SYNM: variants seen among roughly 807,000 people sequenced by gnomAD.
SYNM encodes synemin, also known as desmuslin.
In SYNM, 95 loss-of-function variants were observed where a neutral mutation model predicts 104.0. That is an observed-to-expected ratio of 0.91 (90% CI 0.77 to 1.08). The LOEUF is 1.08. Among genes scored for constraint, SYNM ranks in the 50% least tolerant of loss-of-function variants. The pLI is 0.00. For synonymous variants in SYNM, 918 were observed against 869.0 expected, an observed-to-expected ratio of 1.06 and a Z score of -0.99; for missense variants, 2,150 against 2,052.2, an observed-to-expected ratio of 1.05 and a Z score of -0.92.
intron 3 of SYNM, among the ~76,000 whole-genome samples, chr15:99,127,282 G>T (rs571607915): frequency 1.2e-4 from 18 of 152,294 alleles, no homozygotes; most frequent in Admixed American, 6.5e-4. Context: ...GAGCAGCTCA[G>T]GAAAATGTGT....
At position 99,130,737 on chromosome 15, in the gene SYNM, A is replaced by G. The variant is rs1555485659; in HGVS notation, c.2377A>G (p.Ser793Gly). Residue 793 changes from serine (S) to glycine (G), a missense_variant, in exon 4 of 4, where the codon AGC becomes GGC. Ser to Gly is a moderately conservative substitution (Grantham distance 56, BLOSUM62 0). Coordinates refer to ENST00000336292, the MANE Select transcript of SYNM (RefSeq NM_145728.3). ...TAAGGAGGAGGAAGGTTATGGAGAA[A>G]GCGATGTCACATTCTCAGTTAATCA... ...LVKEEEGYGE[S>G]DVTFSVNQHR... The G allele has an allele frequency of 6.8e-6, 11 of 1,613,882 alleles. No homozygotes were observed. The highest frequency in any genetic ancestry group is 8.5e-6 in the Non-Finnish European group (10 of 1,179,870).
chr15:99,106,047 C>G (rs1471157826), intron 1 of SYNM, 38 bp downstream of exon 1: 10 of 1,403,440 alleles, frequency 7.1e-6, no homozygotes, highest in Non-Finnish European at 9.2e-6. Flanking sequence ...CCCATACCCG[C>G]TGCCGTCGCC....
Position 99,131,732 on chromosome 15 carries a change from A to G in SYNM, c.3372A>G (p.Ala1124=). 2 of 1,613,914 alleles carry G rather than the reference A, an allele frequency of 1.2e-6. No individual in the cohort carries two copies. Among genetic ancestry groups the G allele is most frequent in the Non-Finnish European group, 8.5e-7 (1 of 1,179,900 alleles). ...TGCTGGAGGATGTGAGCCAGGCTGC[A>G]AGGCACATAAAACTCGGCCCCTCTG... ...SQVLEDVSQA[A]RHIKLGPSEV... The change falls in exon 4 of 4, where the codon GCA becomes GCG. Residue 1124 remains alanine (A), a synonymous_variant. Coordinates refer to ENST00000336292, the MANE Select transcript of SYNM (RefSeq NM_145728.3). This position sits in a 1 kb window ranked among gnomAD's most constrained non-coding sequence, Gnocchi z 4.3.
At chr15:99,113,464 C>G in intron 1 of SYNM, 127 bp from the exon 2 acceptor site, 1 of 1,193,952 alleles carries the variant, frequency 8.4e-7, no homozygotes, top group East Asian at 2.6e-5. Flanking sequence ...TTAATAACGC[C>G]GGGTGTTTTT....
rs1285189273 is a variant in SYNM at position 99,113,658 on chromosome 15, A to G, written c.878A>G (p.Asp293Gly). ...TTGGCCATGGCTGACTGGCTGCGGG[A>G]CTATCAGGACCTCCTGCAGGTGAAG... ...LTLAMADWLR[D>G]YQDLLQVKTG... Residue 293 changes from aspartate (D) to glycine (G), a missense_variant, in exon 2 of 4, where the codon GAC becomes GGC. Transcript: ENST00000336292. 5.0e-6 allele frequency: 8 copies of G among 1,613,408 alleles called. No individual in the cohort carries two copies. The African/African-American group carries it at 6.7e-5, about 13-fold the overall frequency.
rs1439978756 is a variant in SYNM, at chr15:99,126,640, C to T, written c.936-82C>T. The stretch of plus-strand genomic sequence containing the variant: ...AACAGGTGACACTATGGTCATTGGC[C>T]GCATACCACGATACGTTTTATTAGA... On this transcript the variant is annotated intron_variant, in intron 2 of 3. Transcript: ENST00000336292. The T allele has an allele frequency of 4.2e-5, 55 of 1,319,228 alleles. No individual in the cohort carries two copies. The African/African-American group carries it at 4.8e-4, about 12-fold the overall frequency. The allele number at this position is 1,319,228 out of a possible 1,614,324, so 81.7% of individuals were successfully genotyped here. A position where few individuals can be genotyped will look rare whatever the true frequency, so the allele number is the denominator to read the frequency against.
At chr15:99,120,795 A>C (rs1157721572) in intron 2 of SYNM, among the ~76,000 whole-genome samples, 1 of 152,142 alleles carries the variant, frequency 6.6e-6, no homozygotes, top group Non-Finnish European at 1.5e-5. Flanking sequence ...GAAGGTCTTG[A>C]AAGACGGGGA....
In SYNM at chr15:99,130,153, C is replaced by T. The variant is rs373435565; in HGVS notation, c.1793C>T (p.Thr598Met). ...RAEVSPKGLQTPVKDAGGGTG... is the reference protein window; with the variant it reads ...RAEVSPKGLQMPVKDAGGGTG... ...GAGGTGTCCCCGAAAGGTTTGCAGA[C>T]GCCTGTGAAGGATGCTGGTGGTGGG... Residue 598 changes from threonine (T) to methionine (M), a missense_variant, in exon 4 of 4, where the codon ACG (threonine) becomes ATG (methionine). Transcript: ENST00000336292. 3.4e-5 allele frequency: 55 copies of T among 1,613,880 alleles called. No homozygotes were observed. The East Asian group carries it at 4.2e-4, about 12-fold the overall frequency.
chr15:99,112,057 C>T (rs984353063), intron 1 of SYNM, among the ~76,000 whole-genome samples: 26 of 152,164 alleles, frequency 1.7e-4, no homozygotes, highest in Non-Finnish European at 2.8e-4. Context: ...CAAAAACAAA[C>T]AAAACAACCA....
rs547514507 is a variant in SYNM, at chr15:99,105,457, C to G, written c.258C>G (p.Asp86Glu). ...WATALAEGERDALRRELRELQ... is the reference protein window; with the variant it reads ...WATALAEGEREALRRELRELQ... ...CTGCGCTGGCGGAGGGCGAGCGGGA[C>G]GCTCTGCGGCGCGAGCTGCGGGAGC... is the stretch of plus-strand genomic sequence containing the variant. The change falls in exon 1 of 4, where the codon GAC becomes GAG. Residue 86 changes from aspartate to glutamate, a missense_variant. Coordinates refer to ENST00000336292, the MANE Select transcript of SYNM (RefSeq NM_145728.3). 46 of 1,403,056 alleles carry G rather than the reference C, an allele frequency of 3.3e-5. No homozygotes were observed. The highest frequency in any genetic ancestry group is 5.1e-4 in the Middle Eastern group (2 of 3,958). 86.9% of individuals were successfully genotyped at this position (1,403,056 alleles called of 1,614,324 possible). A position where few individuals can be genotyped will look rare whatever the true frequency, so the allele number is the denominator to read the frequency against.
At chr15:99,110,195 ACTTTC>A (rs1596118501) in intron 1 of SYNM, among the ~76,000 whole-genome samples, 1 of 152,108 alleles carries the variant, frequency 6.6e-6, no homozygotes, top group East Asian at 1.9e-4. Context: ...GGAAGAAGGG[ACTTTC>A]CTTGTTTTAC....
chr15:99,139,653 AAGT>A (rs782701521), downstream of SYNM: 20 of 1,455,990 alleles, frequency 1.4e-5, no homozygotes, highest in South Asian at 2.0e-4. Flanking sequence ...ATAGATTTAA[AAGT>A]AGTATTTTTA....
downstream of SYNM, chr15:99,139,367 C>T (rs200435817): frequency 8.1e-5 from 130 of 1,613,992 alleles, no homozygotes; most frequent in Middle Eastern, 3.3e-4. Flanking sequence ...TTTTGTCCTG[C>T]GGTCCATATA....
Position 99,130,260 on chromosome 15 carries a change from A to G in SYNM, c.1900A>G (p.Met634Val), listed in dbSNP as rs375763391. The G allele has an allele frequency of 1.2e-6, 2 of 1,613,996 alleles. No individual in the cohort carries two copies. Among genetic ancestry groups the G allele is most frequent in the Non-Finnish European group, 1.7e-6 (2 of 1,179,888 alleles). ...CACTGGTTCTCTGCAAGGCGATTCC[A>G]TGACAGAAACCGTAGCAGAAAACAT... ...DATGSLQGDSMTETVAENIVT... is the reference protein window; with the variant it reads ...DATGSLQGDSVTETVAENIVT... Residue 634 changes from methionine (M) to valine (V), a missense_variant, in exon 4 of 4, where the codon ATG (methionine) becomes GTG (valine). Physicochemically the swap from Met to Val is conservative, Grantham distance 21 (BLOSUM62 1). Transcript: ENST00000336292.
In SYNM at chr15:99,132,150, CA is replaced by C. The variant is rs782233529; in HGVS notation, c.3792del (p.Gln1264HisfsTer4). On this transcript the variant is annotated frameshift_variant, in exon 4 of 4. Transcript: ENST00000336292. LOFTEE classifies it high-confidence loss of function. ...AGTGGGTACCCAGACTTCTGTCAGG[CA>C]ACTCCAGTTAGGCCCTAAAGAAGGG... Reference protein sequence around the residue: ...ESVGTQTSVRQLQLGPKEGFS... With the variant: ...ESVGTQTSVRXLQLGPKEGFS... 8 of 1,614,040 alleles carry C rather than the reference CA, an allele frequency of 5.0e-6. No homozygotes were observed. The highest frequency in any genetic ancestry group is 6.8e-6 in the Non-Finnish European group (8 of 1,179,902).
Position 99,130,387 on chromosome 15 carries a change from T to C in SYNM, c.2027T>C (p.Leu676Pro), listed in dbSNP as rs781848163. The C allele has an allele frequency of 1.9e-6, 3 of 1,613,616 alleles. No homozygotes were observed. In the African/African-American group the frequency reaches 4.0e-5, roughly 22 times the overall value. ...GTCACTTACGTGGACAGGAAAGAGC[T>C]TCCTGGGGAAAGGAAAACAAAGACT... is the stretch of plus-strand genomic sequence containing the variant. ...TKVTYVDRKE[L>P]PGERKTKTEI... The change falls in exon 4 of 4, where the codon CTT (leucine) becomes CCT (proline). Residue 676 changes from leucine to proline, a missense_variant. Coordinates refer to ENST00000336292, the MANE Select transcript of SYNM (RefSeq NM_145728.3).
intron 2 of SYNM, among the ~76,000 whole-genome samples, chr15:99,117,298 G>C (rs1670239): frequency 6.6e-6 from 1 of 152,152 alleles, no homozygotes; most frequent in African/African-American, 2.4e-5. Flanking sequence ...TCTCGTGCCC[G>C]TGGTCATCCT....
At chr15:99,107,927 G>T (rs950554374) in intron 1 of SYNM, among the ~76,000 whole-genome samples, 14 of 145,332 alleles carry the variant, frequency 9.6e-5, no homozygotes, top group South Asian at 6.6e-4. Flanking sequence ...TAAGGACCTG[G>T]TTTTTTTTTT....
Position 99,129,396 on chromosome 15 carries a change from G to T in SYNM, c.1036G>T (p.Asp346Tyr). Residue 346 changes from aspartate (D) to tyrosine (Y), a missense_variant, in exon 4 of 4, where the codon GAC becomes TAC. By Grantham distance (160) the Asp-to-Tyr change is radical. Coordinates refer to ENST00000336292, the MANE Select transcript of SYNM (RefSeq NM_145728.3). ...EFRNKSYHYT[D>Y]SLLQRENERN... ...CAGAAACAAATCCTATCACTATACCGACTCACTACTACAGAGGGAAAATGA... is the reference window on the plus strand; with the variant it reads ...CAGAAACAAATCCTATCACTATACCTACTCACTACTACAGAGGGAAAATGA... 1.2e-6 allele frequency: 2 copies of T among 1,613,832 alleles called. No individual in the cohort carries two copies. The highest frequency in any genetic ancestry group is 1.7e-6 in the Non-Finnish European group (2 of 1,179,880).
Sources: allele counts gnomAD v4.1 joint callset (sites outside exome capture counted in the v4.1 genomes callset), GRCh38; gene constraint gnomAD v4.1.1; non-coding constraint Gnocchi (gnomAD v3.1); transcripts MANE v1.5; gene names NCBI Gene and HGNC (gene_info 2026-07-23, HGNC 2026-07-21).